The following F8 variants were observed in gnomAD, a reference collection of about 807,000 sequenced individuals.
F8 encodes coagulation factor VIII, also known as antihemophilic factor.
Under a neutral mutation model 140.6 loss-of-function variants are expected in F8, and 12 were observed. That is an observed-to-expected ratio of 0.09 (90% CI 0.05 to 0.14). The LOEUF (loss-of-function observed/expected upper bound fraction) is 0.14, where lower values mean the gene tolerates loss of function less well. Ranked by LOEUF, F8 falls within the 10% of genes least tolerant of loss-of-function variation. F8 has a pLI of 1.00. For missense variants in F8, 1,354 were observed against 1,720.7 expected (o/e 0.79, Z 3.77); for synonymous variants, 585 against 614.6 (o/e 0.95, Z 0.71).
intron 1 of F8, 85 bp from the exon 2 acceptor site, chrX:154,999,685 T>C: frequency 9.0e-7 from 1 of 1,108,311 alleles, no homozygotes; most frequent in Non-Finnish European, 1.2e-6. Flanking sequence ...TACTCTTTTC[T>C]ACTATTAGCA....
intron 6 of F8, among the ~76,000 whole-genome samples, chrX:154,971,081 T>C (rs1309878160): frequency 1.8e-5 from 2 of 111,729 alleles, no homozygotes; most frequent in East Asian, 2.8e-4. Flanking sequence ...TCCTCTTTTA[T>C]GTAGTTTCTG....
At chrX:155,018,255 G>C (rs2073744672) in intron 1 of F8, among the ~76,000 whole-genome samples, 2 of 111,880 alleles carry the variant, frequency 1.8e-5, no homozygotes, top group African/African-American at 6.5e-5. Context: ...ATGTTGAGAG[G>C]ATAAGTCTCT....
chrX:154,969,823 T>C lies in F8; in HGVS notation c.788-271A>G, dbSNP rs782387771. Among the ~76,000 whole-genome samples, 30 of 111,971 alleles carry C rather than the reference T, an allele frequency of 2.7e-4. 1 individual carries two copies. The South Asian group carries it at 0.011, about 42-fold the overall frequency. On this transcript the variant is annotated intron_variant, in intron 6 of 25. Coordinates refer to ENST00000360256, the MANE Select transcript of F8 (RefSeq NM_000132.4). ...TCGTTTTTAAAACTCTCTCTTCCCT[T>C]GGCCTCTGTGCCAACATCTCTGTGG...
At position 154,879,456 on chromosome X, in the gene F8, T is replaced by A. The variant is rs148031240; in HGVS notation, c.6430-16229A>T. 1.1e-3 allele frequency among the ~76,000 whole-genome samples: 120 copies of A among 112,760 alleles called. No individual in the cohort carries two copies. In the East Asian group the frequency reaches 0.032, roughly 30 times the overall value. On this transcript the variant is annotated intron_variant, in intron 22 of 25. Coordinates refer to ENST00000360256, the MANE Select transcript of F8 (RefSeq NM_000132.4). ...CAACATGCATTCAGTAGAATCCATA[T>A]GCATAAAAGTACTTAAAGTACACAT...
chrX:154,861,965 A>C, intron 23 of F8, 99 bp from the exon 24 acceptor site: 1 of 911,868 alleles, frequency 1.1e-6, no homozygotes, highest in Non-Finnish European at 1.6e-6. Context: ...TGTCATCATA[A>C]TATCATTTCT....
At chrX:154,903,371 G>C (rs957188982) in intron 18 of F8, among the ~76,000 whole-genome samples, 1 of 110,825 alleles carries the variant, frequency 9.0e-6, no homozygotes, top group Non-Finnish European at 1.9e-5. Flanking sequence ...TAGAGATGGG[G>C]GTCTTGCTTT....
chrX:154,868,953 G>A (rs1271638739), intron 22 of F8, among the ~76,000 whole-genome samples: 1 of 110,772 alleles, frequency 9.0e-6, no homozygotes, highest in East Asian at 2.8e-4. Flanking sequence ...AGACAAAGAA[G>A]AGCATCACAT....
intron 3 of F8, among the ~76,000 whole-genome samples, chrX:154,996,567 C>A (rs782765432): frequency 8.9e-6 from 1 of 111,784 alleles, no homozygotes; most frequent in African/African-American, 3.3e-5. Flanking sequence ...AGGTGGGATA[C>A]CCGTGTCAAC....
intron 14 of F8, among the ~76,000 whole-genome samples, chrX:154,925,698 G>A (rs1383938920): frequency 1.8e-5 from 2 of 112,591 alleles, no homozygotes; most frequent in Non-Finnish European, 3.8e-5. Context: ...TCTCCCATTT[G>A]GAATGGCTGT....
At chrX:154,876,459 C>T (rs1248653036) in intron 22 of F8, among the ~76,000 whole-genome samples, 1 of 111,583 alleles carries the variant, frequency 9.0e-6, no homozygotes, top group Non-Finnish European at 1.9e-5. Flanking sequence ...GCATTTTTTT[C>T]TTCCCAGGGA....
chrX:154,920,672 CA>C (rs1191932904), intron 14 of F8, among the ~76,000 whole-genome samples: 1 of 111,133 alleles, frequency 9.0e-6, no homozygotes, highest in South Asian at 3.8e-4. Flanking sequence ...AAGTTAGTCT[CA>C]AATGCCTGGG....
At chrX:155,015,302 G>C (rs1230620640) in intron 1 of F8, among the ~76,000 whole-genome samples, 9 of 111,466 alleles carry the variant, frequency 8.1e-5, no homozygotes, top group Non-Finnish European at 1.1e-4. Context: ...AGATTTCCTA[G>C]GACAGGGGAA....
At chrX:154,942,714 A>G (rs782130126) in intron 13 of F8, among the ~76,000 whole-genome samples, 4,331 of 109,706 alleles carry the variant, frequency 0.039, 98 homozygotes, top group Non-Finnish European at 0.063. Context: ...GACAAAACCA[A>G]AAAAGAGAAT....
chrX:154,900,105 C>T (rs1183449597), intron 20 of F8, among the ~76,000 whole-genome samples, 154 bp from the exon 21 acceptor site: 5 of 112,346 alleles, frequency 4.5e-5, no homozygotes, highest in Admixed American at 9.4e-5. Flanking sequence ...CAATTACTAT[C>T]TAAGGATATT....
At chrX:154,965,248 C>T (rs2073417522) in intron 9 of F8, among the ~76,000 whole-genome samples, 1 of 111,670 alleles carries the variant, frequency 9.0e-6, no homozygotes, top group South Asian at 3.7e-4. Flanking sequence ...TAAATTGGTA[C>T]AAAATTGCTG....
chrX:154,991,721 C>T (rs2073589468), intron 4 of F8, among the ~76,000 whole-genome samples: 1 of 112,100 alleles, frequency 8.9e-6, no homozygotes. Context: ...GACTATGAAA[C>T]TGAACTCAGT....
At chrX:154,861,915 C>T (rs1458919010) in intron 23 of F8, 49 bp from the exon 24 acceptor site, 2 of 1,165,466 alleles carry the variant, frequency 1.7e-6, no homozygotes, top group Non-Finnish European at 2.3e-6. Flanking sequence ...GCTTCAGCCT[C>T]AGTTATACTG....
chrX:154,865,476 T>C (rs1251578347), intron 22 of F8, among the ~76,000 whole-genome samples: 2 of 111,295 alleles, frequency 1.8e-5, no homozygotes, highest in Non-Finnish European at 3.8e-5. Flanking sequence ...AATTTATAAA[T>C]TAAAAGACAA....
chrX:154,915,761 C>T (rs1290780638), intron 14 of F8, among the ~76,000 whole-genome samples: 1 of 111,855 alleles, frequency 8.9e-6, no homozygotes, highest in African/African-American at 3.3e-5. Flanking sequence ...ATATCGTCTA[C>T]AAACAAGGGG....
Sources: allele counts gnomAD v4.1 joint callset (sites outside exome capture counted in the v4.1 genomes callset), GRCh38; gene constraint gnomAD v4.1.1; transcripts MANE v1.5; gene names NCBI Gene and HGNC (gene_info 2026-07-23, HGNC 2026-07-21).